TSHZ3: variants seen among roughly 807,000 people sequenced by gnomAD.
TSHZ3 encodes teashirt zinc finger homeobox 3, also known as teashirt homolog 3.
In TSHZ3, 10 loss-of-function variants were observed where a neutral mutation model predicts 64.5. The ratio of observed to expected loss-of-function variants is 0.16; its 90% CI spans 0.10 to 0.26. The LOEUF is 0.26. Ranked by LOEUF, TSHZ3 falls within the 10% of genes least tolerant of loss-of-function variation. The pLI is 1.00. For missense variants in TSHZ3, 1,242 were observed against 1,421.7 expected, an observed-to-expected ratio of 0.87 and a Z score of 2.03; for synonymous variants, 608 against 593.1, an observed-to-expected ratio of 1.03 and a Z score of -0.36.
chr19:31,182,191 C>T (rs560429401), intron 5 of TSHZ3, among the ~76,000 whole-genome samples: 1 of 152,328 alleles, frequency 6.6e-6, no homozygotes, highest in African/African-American at 2.4e-5. Flanking sequence ...ATAGAACCAC[C>T]TTTTCCAGAG....
chr19:31,301,023 C>T (rs1976747150), intron 1 of TSHZ3, among the ~76,000 whole-genome samples: 1 of 152,126 alleles, frequency 6.6e-6, no homozygotes, highest in Admixed American at 6.5e-5. Flanking sequence ...TTACATTAAA[C>T]ACATTTCAGG....
At chr19:31,224,307 C>T (rs1271915276) in intron 4 of TSHZ3, among the ~76,000 whole-genome samples, 1 of 152,154 alleles carries the variant, frequency 6.6e-6, no homozygotes, top group African/African-American at 2.4e-5. Flanking sequence ...TTATAGTCAA[C>T]CATGGTTAAT....
rs764278140 is a variant in TSHZ3, at chr19:31,275,146, GAGA to G, written c.*1398_*1400del. The stretch of plus-strand genomic sequence containing the variant: ...TTCTGCAAATTAACTGCCAAAAATG[GAGA>G]AGAACAGAATCACTTGGAGAGCCGG... On this transcript the variant is annotated 3_prime_UTR_variant, in exon 2 of 2. Transcript: ENST00000240587. 1.2e-3 allele frequency: 184 copies of G among 152,638 alleles called. No homozygotes were observed. The highest frequency in any genetic ancestry group is 2.1e-3 in the Non-Finnish European group (144 of 68,018). The allele number at this position is 152,638 out of a possible 1,614,324, so 9.5% of individuals were successfully genotyped here. A position where few individuals can be genotyped will look rare whatever the true frequency, so the allele number is the denominator to read the frequency against.
At chr19:31,281,781 GC>G (rs1353694133) in intron 1 of TSHZ3, among the ~76,000 whole-genome samples, 3 of 152,184 alleles carry the variant, frequency 2.0e-5, no homozygotes, top group African/African-American at 7.2e-5. Flanking sequence ...TCCCTCACCT[GC>G]CCCCCGACAG....
At chr19:31,155,007 C>T (rs1568331794) in intron 6 of TSHZ3, among the ~76,000 whole-genome samples, 1 of 152,320 alleles carries the variant, frequency 6.6e-6, no homozygotes, top group East Asian at 1.9e-4. Context: ...CCTCTGTTCT[C>T]CCACCTGGGA....
intron 1 of TSHZ3, among the ~76,000 whole-genome samples, chr19:31,290,324 C>T (rs965866241): frequency 6.6e-6 from 1 of 152,112 alleles, no homozygotes; most frequent in Non-Finnish European, 1.5e-5. Flanking sequence ...CCTCCTGGCT[C>T]TTGACCGGGA....
intron 3 of TSHZ3, among the ~76,000 whole-genome samples, chr19:31,231,134 G>C (rs1000279323): frequency 3.3e-5 from 5 of 152,020 alleles, no homozygotes; most frequent in African/African-American, 1.2e-4. Context: ...TTAAGCACTT[G>C]GTATTTTCCA....
At chr19:31,183,704 C>A (rs1974760546) in intron 5 of TSHZ3, among the ~76,000 whole-genome samples, 1 of 152,084 alleles carries the variant, frequency 6.6e-6, no homozygotes, top group Non-Finnish European at 1.5e-5. Context: ...GGTGAGAGGT[C>A]AGCCACCCTC....
chr19:31,291,412 C>T (rs993517638), intron 1 of TSHZ3, among the ~76,000 whole-genome samples: 1 of 152,206 alleles, frequency 6.6e-6, no homozygotes, highest in Non-Finnish European at 1.5e-5. Flanking sequence ...CTTCCCAGCA[C>T]TCTTCATGAG....
rs1182836843 is a variant in TSHZ3 at position 31,317,425 on chromosome 19, A to G, written c.40+31755T>C. Among the ~76,000 whole-genome samples, 3 of 152,148 alleles carry G rather than the reference A, an allele frequency of 2.0e-5. No homozygotes were observed. In the East Asian group the frequency reaches 5.8e-4, roughly 29 times the overall value. On this transcript the variant is annotated intron_variant, in intron 1 of 1. Coordinates refer to ENST00000240587, the MANE Select transcript of TSHZ3 (RefSeq NM_020856.4). ...CAAAGAGCTGGGGGACCCTGGCTGC[A>G]CCATACAACCCAGGACCTGCCAGGG...
Position 31,247,521 on chromosome 19 carries a change from T to G in TSHZ3, n.64-4646A>C, listed in dbSNP as rs559664631. On this transcript the variant is annotated intron_variant and non_coding_transcript_variant, in intron 1 of 6. Transcript: ENST00000651361. ...AGCCAGACTCCAGCCCTCAAAAACG[T>G]CAGTGTCATGGAACACAAAGGAAGA... Among the ~76,000 whole-genome samples the G allele has an allele frequency of 2.0e-5, 3 of 152,182 alleles. No individual in the cohort carries two copies. The East Asian group carries it at 5.8e-4, about 30-fold the overall frequency.
chr19:31,173,236 A>C (rs117757220), intron 5 of TSHZ3, among the ~76,000 whole-genome samples: 1 of 152,214 alleles, frequency 6.6e-6, no homozygotes, highest in African/African-American at 2.4e-5. Flanking sequence ...AGGCAATCCA[A>C]CAGGCTTACC....
At chr19:31,244,929 C>G (rs899026157) in intron 1 of TSHZ3, among the ~76,000 whole-genome samples, 41 of 152,154 alleles carry the variant, frequency 2.7e-4, no homozygotes, top group African/African-American at 9.9e-4. Context: ...TAGGCATGAG[C>G]CACTGCTCCT....
chr19:31,258,451 C>T (rs958068765), intron 1 of TSHZ3, among the ~76,000 whole-genome samples: 16 of 152,278 alleles, frequency 1.1e-4, no homozygotes, highest in African/African-American at 3.4e-4. Flanking sequence ...CCCGGGAAAT[C>T]GCCCTTCTGT....
intron 5 of TSHZ3, among the ~76,000 whole-genome samples, chr19:31,187,877 T>C (rs569322645): frequency 6.6e-6 from 1 of 152,238 alleles, no homozygotes; most frequent in East Asian, 1.9e-4. Context: ...TTTAACTTTG[T>C]TCTCTTTAAT....
At chr19:31,217,318 G>A (rs1031852955) in intron 4 of TSHZ3, among the ~76,000 whole-genome samples, 1 of 151,932 alleles carries the variant, frequency 6.6e-6, no homozygotes, top group African/African-American at 2.4e-5. Flanking sequence ...CGGGGTGAAC[G>A]AGGGGGAGAT....
At chr19:31,203,511 G>C (rs116058850) in intron 5 of TSHZ3, among the ~76,000 whole-genome samples, 4 of 152,322 alleles carry the variant, frequency 2.6e-5, no homozygotes, top group Middle Eastern at 3.4e-3. Context: ...GTAGCAAGGA[G>C]AGCCATCTTT....
intron 1 of TSHZ3, among the ~76,000 whole-genome samples, chr19:31,245,789 T>C (rs565693862): frequency 1.3e-5 from 2 of 152,250 alleles, no homozygotes; most frequent in Non-Finnish European, 2.9e-5. Flanking sequence ...TTACAACCCA[T>C]CCTGTGGTGC....
intron 3 of TSHZ3, among the ~76,000 whole-genome samples, chr19:31,230,096 T>C (rs1975518856): frequency 6.6e-6 from 1 of 152,188 alleles, no homozygotes; most frequent in Non-Finnish European, 1.5e-5. Flanking sequence ...TATTTAAAAA[T>C]GTTCCCTGGA....
Sources: allele counts gnomAD v4.1 joint callset (sites outside exome capture counted in the v4.1 genomes callset), GRCh38; gene constraint gnomAD v4.1.1; transcripts MANE v1.5; gene names NCBI Gene and HGNC (gene_info 2026-07-23, HGNC 2026-07-21).